The following GSTCD variants were observed in gnomAD, a reference collection of about 807,000 sequenced individuals.
GSTCD encodes the protein glutathione S-transferase C-terminal domain-containing protein.
In GSTCD, 44 loss-of-function variants were observed where a neutral mutation model predicts 68.3. The ratio of observed to expected loss-of-function variants is 0.64; its 90% CI spans 0.51 to 0.83. The LOEUF is 0.83. Ranked by LOEUF, GSTCD falls within the 40% of genes least tolerant of loss-of-function variation. The probability of loss-of-function intolerance (pLI) is 0.00; values close to 1 mark genes in which losing one functional copy is unlikely to be tolerated. For synonymous variants in GSTCD, 273 were observed against 255.2 expected, an observed-to-expected ratio of 1.07 and a Z score of -0.67; for missense variants, 739 against 735.9, an observed-to-expected ratio of 1.00 and a Z score of -0.05.
intron 11 of GSTCD, among the ~76,000 whole-genome samples, chr4:105,842,489 A>T (rs1578529934): frequency 6.6e-6 from 1 of 152,226 alleles, no homozygotes; most frequent in African/African-American, 2.4e-5. Context: ...AAATTGATGC[A>T]TTATAAAATG....
In GSTCD at chr4:105,720,459, G is replaced by GA. The variant is rs1732825745; in HGVS notation, c.894+936dup. Among the ~76,000 whole-genome samples the GA allele has an allele frequency of 2.6e-5, 4 of 152,236 alleles. No homozygotes were observed. The South Asian group carries it at 8.3e-4, about 32-fold the overall frequency. On this transcript the variant is annotated intron_variant, in intron 3 of 11. Transcript: ENST00000515279. ...TCTATGGACAGAAGAGACTGCTATC[G>GA]AAAATCTATGTATTTGAAGGCTTTG...
chr4:105,768,465 G>T (rs1281090488), intron 5 of GSTCD, among the ~76,000 whole-genome samples: 3 of 152,064 alleles, frequency 2.0e-5, no homozygotes, highest in Non-Finnish European at 1.5e-5. Flanking sequence ...AAGGACCTTA[G>T]AGATAATCAG....
intron 5 of GSTCD, among the ~76,000 whole-genome samples, chr4:105,760,727 G>A (rs1734373954): frequency 6.6e-6 from 1 of 152,160 alleles, no homozygotes; most frequent in Non-Finnish European, 1.5e-5. Context: ...GAGAATTAAT[G>A]TGGAAAGGGA....
intron 5 of GSTCD, among the ~76,000 whole-genome samples, chr4:105,775,456 G>A (rs934657354): frequency 6.6e-6 from 1 of 152,174 alleles, no homozygotes; most frequent in Non-Finnish European, 1.5e-5. Flanking sequence ...TAGGCTTTTG[G>A]CACTGGTTTT....
chr4:105,780,160 C>A (rs1735223529), intron 5 of GSTCD, among the ~76,000 whole-genome samples: 1 of 152,124 alleles, frequency 6.6e-6, no homozygotes, highest in Non-Finnish European at 1.5e-5. Context: ...GATGGACAGA[C>A]CCAGGAGTAT....
chr4:105,739,067 G>T (rs989014313), intron 5 of GSTCD, among the ~76,000 whole-genome samples: 2 of 152,208 alleles, frequency 1.3e-5, no homozygotes, highest in East Asian at 3.8e-4. Flanking sequence ...TTTATCAACT[G>T]CATTTTGTGT....
chr4:105,788,553 G>A (rs1290221483), intron 5 of GSTCD, among the ~76,000 whole-genome samples: 5 of 151,844 alleles, frequency 3.3e-5, no homozygotes, highest in Admixed American at 6.6e-5. Flanking sequence ...GGCAGTTTGA[G>A]TATTTTTTAT....
chr4:105,742,830 T>G (rs1350137936), intron 5 of GSTCD, among the ~76,000 whole-genome samples: 1 of 151,938 alleles, frequency 6.6e-6, no homozygotes, highest in African/African-American at 2.4e-5. Context: ...TCCTCCCACC[T>G]TATCTTCCCA....
At chr4:105,746,764 G>T (rs576312142) in intron 5 of GSTCD, among the ~76,000 whole-genome samples, 8 of 152,078 alleles carry the variant, frequency 5.3e-5, no homozygotes, top group East Asian at 1.9e-4. Context: ...AAATACTCTG[G>T]TTTTTTTCCC....
At chr4:105,806,344 T>C (rs1722496035) in intron 5 of GSTCD, among the ~76,000 whole-genome samples, 1 of 152,122 alleles carries the variant, frequency 6.6e-6, no homozygotes, top group Non-Finnish European at 1.5e-5. Flanking sequence ...TATAGTTTTC[T>C]ATAGTTAGTT....
At chr4:105,758,047 A>T (rs1222558817) in intron 5 of GSTCD, among the ~76,000 whole-genome samples, 1 of 152,190 alleles carries the variant, frequency 6.6e-6, no homozygotes, top group African/African-American at 2.4e-5. Context: ...TCACATGGTT[A>T]TAGTGTTTGC....
Position 105,719,044 on chromosome 4 carries a change from T to C in GSTCD, c.427-16T>C. 6.5e-7 allele frequency: 1 copy of C among 1,536,686 alleles called. No homozygotes were observed. ...TAAAAAATCTTTTCATTTCTTGTTT[T>C]GTTTTTGTTTTGTAGGTTAGTCAGT... is the stretch of plus-strand genomic sequence containing the variant. On this transcript the variant is annotated splice_polypyrimidine_tract_variant and intron_variant, in intron 2 of 11. Transcript: ENST00000515279.
intron 5 of GSTCD, chr4:105,815,404 G>A (rs1460654895): frequency 6.6e-6 from 1 of 152,136 alleles, no homozygotes; most frequent in Non-Finnish European, 1.5e-5. Context: ...GCCACCTCTA[G>A]ATGGGAATAC....
chr4:105,839,870 C>G (rs1345884240), intron 10 of GSTCD, among the ~76,000 whole-genome samples: 1 of 152,142 alleles, frequency 6.6e-6, no homozygotes, highest in Non-Finnish European at 1.5e-5. Flanking sequence ...TGTAAAATTT[C>G]TACAGTAGGG....
chr4:105,728,535 A>C (rs1376987884), intron 4 of GSTCD, among the ~76,000 whole-genome samples: 2 of 152,128 alleles, frequency 1.3e-5, no homozygotes. Context: ...TTCCTTCGGG[A>C]CACAAATTCA....
At chr4:105,713,713 C>T (rs1233999799) in intron 1 of GSTCD, among the ~76,000 whole-genome samples, 1 of 151,986 alleles carries the variant, frequency 6.6e-6, no homozygotes, top group Non-Finnish European at 1.5e-5. Context: ...ATTTACCTAA[C>T]ATTTGTTGAG....
intron 5 of GSTCD, among the ~76,000 whole-genome samples, chr4:105,784,581 G>A (rs1013882238): frequency 2.0e-5 from 3 of 152,156 alleles, no homozygotes; most frequent in Non-Finnish European, 2.9e-5. Flanking sequence ...GATGATTGTT[G>A]CCTGAATTAA....
At chr4:105,802,953 G>A (rs576829012) in intron 5 of GSTCD, among the ~76,000 whole-genome samples, 1 of 152,202 alleles carries the variant, frequency 6.6e-6, no homozygotes, top group Admixed American at 6.6e-5. Flanking sequence ...GAGGTGAGTA[G>A]ATGTGAAGGA....
chr4:105,817,983 AC>A (rs1723082307), intron 5 of GSTCD, among the ~76,000 whole-genome samples: 1 of 151,912 alleles, frequency 6.6e-6, no homozygotes, highest in South Asian at 2.1e-4. Context: ...TGCAGAGAAA[AC>A]TCATTCATTA....
Sources: gnomAD v4.1 joint callset for allele counts (sites outside exome capture counted in the v4.1 genomes callset) on GRCh38, gnomAD v4.1.1 for gene constraint, MANE v1.5 for transcripts, NCBI Gene and HGNC (gene_info 2026-07-23, HGNC 2026-07-21) for gene names.